The following NKX1-1 variants were observed in gnomAD, a reference collection of about 807,000 sequenced individuals.
The protein encoded by NKX1-1 is NK1 transcription factor-related protein 1.
Under a neutral mutation model 1.7 loss-of-function variants are expected in NKX1-1, and 7 were observed. The ratio of observed to expected loss-of-function variants is 4.22; its 90% CI spans 2.40 to 7.92. NKX1-1 has a LOEUF of 7.92. Among genes scored for constraint, NKX1-1 ranks in the 30% most tolerant of loss-of-function variants. The pLI is 0.00. For missense variants in NKX1-1, 453 were observed against 171.5 expected, an observed-to-expected ratio of 2.64 and a Z score of -9.17; for synonymous variants, 242 against 85.3, an observed-to-expected ratio of 2.84 and a Z score of -10.13.
chr4:1,404,140 G>A (rs138907888), intron 1 of NKX1-1, among the ~76,000 whole-genome samples: 187 of 152,358 alleles, frequency 1.2e-3, no homozygotes, highest in African/African-American at 4.4e-3. Context: ...GCTGCGGGCC[G>A]GGCCCGGCTG....
chr4:1,406,219 G>T lies in NKX1-1; in HGVS notation c.224C>A (p.Ala75Glu). Residue 75 changes from alanine (A) to glutamate (E), a missense_variant, in exon 1 of 2, where the codon GCG (alanine) becomes GAG (glutamate). Coordinates refer to ENST00000422806, the MANE Select transcript of NKX1-1 (RefSeq NM_001290079.1). ...PEGAGAARPA[A>E]PLRPTSFSVL... Reference sequence around the variant, plus strand: ...CGAGAAGGAGGTGGGGCGCAGGGGCGCTGCGGGCCGGGCCGCTCCAGCCCC... The same window carrying T: ...CGAGAAGGAGGTGGGGCGCAGGGGCTCTGCGGGCCGGGCCGCTCCAGCCCC... 1.8e-6 allele frequency: 1 copy of T among 553,942 alleles called. No homozygotes were observed. Among genetic ancestry groups the T allele is most frequent in the Non-Finnish European group, 3.2e-6 (1 of 312,320 alleles). 34.3% of individuals were successfully genotyped at this position (553,942 alleles called of 1,614,324 possible). A position where few individuals can be genotyped will look rare whatever the true frequency, so the allele number is the denominator to read the frequency against.
At chr4:1,403,943 C>G (rs1195529215) in intron 1 of NKX1-1, 128 bp from the exon 2 acceptor site, 4 of 476,040 alleles carry the variant, frequency 8.4e-6, no homozygotes, top group Non-Finnish European at 1.5e-5. Context: ...CCTCCTGCTT[C>G]GTCACCCGCC....
rs1272185948 is a variant in NKX1-1 at position 1,406,347 on chromosome 4, G to A, written c.96C>T (p.Ala32=). 1 of 374,700 alleles carries A rather than the reference G, an allele frequency of 2.7e-6. No individual in the cohort carries two copies. Among genetic ancestry groups the A allele is most frequent in the East Asian group, 4.0e-5 (1 of 25,164 alleles). 23.2% of individuals were successfully genotyped at this position (374,700 alleles called of 1,614,324 possible). ...GSGPAPPAPA[A]AAQEAMDGRA... ...GCCCGTCCATAGCTTCCTGGGCAGCGGCGGCGGGAGCGGGCGGTGCGGGCC... is the reference window on the plus strand; with the variant it reads ...GCCCGTCCATAGCTTCCTGGGCAGCAGCGGCGGGAGCGGGCGGTGCGGGCC... The change falls in exon 1 of 2, where the codon GCC becomes GCT. Residue 32 remains alanine (A), a synonymous_variant. Coordinates refer to ENST00000422806, the MANE Select transcript of NKX1-1 (RefSeq NM_001290079.1).
chr4:1,404,038 G>C (rs978487856), intron 1 of NKX1-1, among the ~76,000 whole-genome samples: 1 of 152,014 alleles, frequency 6.6e-6, no homozygotes, highest in African/African-American at 2.4e-5. Context: ...TCGGTCCCTT[G>C]CTTGTTTCTT....
chr4:1,402,970 T>C lies in NKX1-1; in HGVS notation c.1309A>G (p.Thr437Ala). 1.5e-6 allele frequency: 1 copy of C among 664,700 alleles called. No individual in the cohort carries two copies. Among genetic ancestry groups the C allele is most frequent in the East Asian group, 3.2e-5 (1 of 31,684 alleles). 41.2% of individuals were successfully genotyped at this position (664,700 alleles called of 1,614,324 possible). ...VLSPFVLGSQTYGAPAFYAPH... is the reference protein window; with the variant it reads ...VLSPFVLGSQAYGAPAFYAPH... ...GCGTAGAAGGCGGGCGCCCCGTAGGTCTGCGAGCCCAGCACGAAGGGCGAG... is the reference window on the plus strand; with the variant it reads ...GCGTAGAAGGCGGGCGCCCCGTAGGCCTGCGAGCCCAGCACGAAGGGCGAG... Residue 437 changes from threonine (T) to alanine (A), a missense_variant, in exon 2 of 2, where the codon ACC (threonine) becomes GCC (alanine). Physicochemically the swap from Thr to Ala is moderately conservative, Grantham distance 58. Transcript: ENST00000422806.
rs1048240344 is a variant in NKX1-1 at position 1,404,336 on chromosome 4, G to T, written c.464-521C>A. On this transcript the variant is annotated intron_variant, in intron 1 of 1. Transcript: ENST00000422806. ...GGCATTTAATAACAGGCCCGGCGGTGGGGCCGGAGCCGGCCGAGAGAATGG... is the reference window on the plus strand; with the variant it reads ...GGCATTTAATAACAGGCCCGGCGGTTGGGCCGGAGCCGGCCGAGAGAATGG... 8.9e-4 allele frequency among the ~76,000 whole-genome samples: 135 copies of T among 152,382 alleles called. 1 individual carries two copies. Among genetic ancestry groups the T allele is most frequent in the African/African-American group, 3.1e-3 (130 of 41,598 alleles).
In NKX1-1 at chr4:1,406,121, G is replaced by A; in HGVS notation, c.322C>T (p.Pro108Ser). Residue 108 changes from proline to serine, a missense_variant, in exon 1 of 2, where the codon CCC (proline) becomes TCC (serine). By Grantham distance (74) the Pro-to-Ser change is moderately conservative. Coordinates refer to ENST00000422806, the MANE Select transcript of NKX1-1 (RefSeq NM_001290079.1). ...GAAGCGCAAGGGGCGCACGCAGCGG[G>A]AGCCACTGGGCCCAGCAGCACGCAA... ...RRCVLLGPVA[P>S]AACAPCASAP... is the part of the protein sequence containing the mutation. The A allele has an allele frequency of 1.7e-6, 1 of 600,756 alleles. No individual in the cohort carries two copies. Among genetic ancestry groups the A allele is most frequent in the Non-Finnish European group, 3.0e-6 (1 of 335,910 alleles). The allele number at this position is 600,756 out of a possible 1,614,324, so 37.2% of individuals were successfully genotyped here.
Position 1,403,725 on chromosome 4 carries a change from T to C in NKX1-1, c.554A>G (p.Asp185Gly). The C allele has an allele frequency of 1.5e-6, 1 of 687,114 alleles. No individual in the cohort carries two copies. The highest frequency in any genetic ancestry group is 3.0e-5 in the East Asian group (1 of 32,976). 42.6% of individuals were successfully genotyped at this position (687,114 alleles called of 1,614,324 possible). ...GTCGTCGGGAACCTCGTCCCCGCTG[T>C]CCGCGCTCGGGCTGTGGCCGCCGCC... ...SGGGGHSPSADSGDEVPDDED... is the reference protein window; with the variant it reads ...SGGGGHSPSAGSGDEVPDDED... The change falls in exon 2 of 2, where the codon GAC becomes GGC. Residue 185 changes from aspartate to glycine, a missense_variant. Coordinates refer to ENST00000422806, the MANE Select transcript of NKX1-1 (RefSeq NM_001290079.1).
chr4:1,402,933 C>A lies in NKX1-1; in HGVS notation c.1346G>T (p.Ter449LeuextTer?). The stretch of plus-strand genomic sequence containing the variant: ...CTCGGAGGCGGAGCGGCACGGGGCT[C>A]AGAGGTGCGGCGCGTAGAAGGCGGG... ...GAPAFYAPHL[*>L] Residue 449 changes from the stop codon to leucine (L), a stop_lost, in exon 2 of 2, where the codon TGA becomes TTA. Transcript: ENST00000422806. 1 of 662,358 alleles carries A rather than the reference C, an allele frequency of 1.5e-6. No individual in the cohort carries two copies. The highest frequency in any genetic ancestry group is 2.7e-6 in the Non-Finnish European group (1 of 368,382). The allele number at this position is 662,358 out of a possible 1,614,324, so 41.0% of individuals were successfully genotyped here.
At chr4:1,404,274 C>T (rs1720713953) in intron 1 of NKX1-1, among the ~76,000 whole-genome samples, 1 of 152,264 alleles carries the variant, frequency 6.6e-6, no homozygotes, top group Admixed American at 6.5e-5. Context: ...GTATATTACC[C>T]CCCAATTACC....
In NKX1-1 at chr4:1,403,505, G is replaced by T; in HGVS notation, c.774C>A (p.Gly258=). 1 of 510,684 alleles carries T rather than the reference G, an allele frequency of 2.0e-6. No homozygotes were observed. Among genetic ancestry groups the T allele is most frequent in the Non-Finnish European group, 3.4e-6 (1 of 293,000 alleles). 31.6% of individuals were successfully genotyped at this position (510,684 alleles called of 1,614,324 possible). A position where few individuals can be genotyped will look rare whatever the true frequency, so the allele number is the denominator to read the frequency against. Residue 258 remains glycine (G), a synonymous_variant, in exon 2 of 2, where the codon GGC becomes GGA. Coordinates refer to ENST00000422806, the MANE Select transcript of NKX1-1 (RefSeq NM_001290079.1). The stretch of plus-strand genomic sequence containing the variant: ...CCGGCGCCGCTGCACCTCCCGGTGG[G>T]CCCTGGGCAACGGGCGAGTTCTCGC... ...GPRENSPVAQ[G]PPGGAAAPGG...
rs1228219077 is a variant in NKX1-1 at position 1,403,617 on chromosome 4, C to G, written c.662G>C (p.Gly221Ala). Residue 221 changes from glycine to alanine, a missense_variant, in exon 2 of 2, where the codon GGG (glycine) becomes GCG (alanine). By Grantham distance (60) the Gly-to-Ala change is moderately conservative (BLOSUM62 0). Coordinates refer to ENST00000422806, the MANE Select transcript of NKX1-1 (RefSeq NM_001290079.1). ...EEARGGGGGLGARGSGCQGAA... is the reference protein window; with the variant it reads ...EEARGGGGGLAARGSGCQGAA... ...GCCCTGGCAACCCGACCCGCGGGCCCCGAGGCCGCCGCCGCCTCCCCGCGC... is the reference window on the plus strand; with the variant it reads ...GCCCTGGCAACCCGACCCGCGGGCCGCGAGGCCGCCGCCGCCTCCCCGCGC... The G allele has an allele frequency of 4.0e-6, 2 of 500,130 alleles. No individual in the cohort carries two copies. Among genetic ancestry groups the G allele is most frequent in the African/African-American group, 2.0e-5 (1 of 48,986 alleles). 31.0% of individuals were successfully genotyped at this position (500,130 alleles called of 1,614,324 possible). A position where few individuals can be genotyped will look rare whatever the true frequency, so the allele number is the denominator to read the frequency against.
chr4:1,405,822 G>C (rs1265239785), intron 1 of NKX1-1, among the ~76,000 whole-genome samples, 158 bp downstream of exon 1: 4 of 152,246 alleles, frequency 2.6e-5, no homozygotes, highest in Non-Finnish European at 5.9e-5. Flanking sequence ...TCGGATGGAG[G>C]CCACGGGTGG....
chr4:1,404,993 C>G (rs1027797835), intron 1 of NKX1-1, among the ~76,000 whole-genome samples: 2 of 152,236 alleles, frequency 1.3e-5, no homozygotes, highest in Non-Finnish European at 2.9e-5. Context: ...CGCGCCTTCC[C>G]GGCTTCAGCG....
chr4:1,405,586 A>G (rs1577018632), intron 1 of NKX1-1, among the ~76,000 whole-genome samples: 1 of 122,906 alleles, frequency 8.1e-6, no homozygotes. Flanking sequence ...AAAGAGAGAG[A>G]GGGAGAAAGG....
Position 1,403,091 on chromosome 4 carries a change from C to CG in NKX1-1, c.1187dup (p.Leu397AlafsTer?). On this transcript the variant is annotated frameshift_variant, in exon 2 of 2. Coordinates refer to ENST00000422806, the MANE Select transcript of NKX1-1 (RefSeq NM_001290079.1). LOFTEE classifies it low-confidence loss of function (END_TRUNC). ...ACCCGGCCGGGCCGTGCATGCCGAG[C>CG]GGGGCGCCCATGGGCGGCGAGGGGC... is the stretch of plus-strand genomic sequence containing the variant. The CG allele has an allele frequency of 2.2e-6, 1 of 446,240 alleles. No homozygotes were observed. The highest frequency in any genetic ancestry group is 3.9e-6 in the Non-Finnish European group (1 of 255,988). The allele number at this position is 446,240 out of a possible 1,614,324, so 27.6% of individuals were successfully genotyped here.
At chr4:1,403,883 C>T (rs757621227) in intron 1 of NKX1-1, 68 bp from the exon 2 acceptor site, 15 of 527,296 alleles carry the variant, frequency 2.8e-5, no homozygotes, top group Non-Finnish European at 3.7e-5. Context: ...TCCCGCCCTC[C>T]GCGCGCCCCG....
chr4:1,405,689 C>A (rs1011297570), intron 1 of NKX1-1, among the ~76,000 whole-genome samples: 1 of 152,200 alleles, frequency 6.6e-6, no homozygotes, highest in Non-Finnish European at 1.5e-5. Context: ...GCACCAACTA[C>A]CCTTCTAGGC....
chr4:1,404,093 G>A (rs1257051642), intron 1 of NKX1-1, among the ~76,000 whole-genome samples: 1 of 152,168 alleles, frequency 6.6e-6, no homozygotes, highest in African/African-American at 2.4e-5. Context: ...CGTTCTCGCG[G>A]CGCCGGGCGT....
Sources: gnomAD v4.1 joint callset for allele counts (sites outside exome capture counted in the v4.1 genomes callset) on GRCh38, gnomAD v4.1.1 for gene constraint, MANE v1.5 for transcripts, NCBI Gene and HGNC (gene_info 2026-07-23, HGNC 2026-07-21) for gene names.